PCSK5: variants seen among roughly 807,000 people sequenced by gnomAD.
The protein encoded by PCSK5 is prohormone convertase 5.
Under a neutral mutation model 233.2 loss-of-function variants are expected in PCSK5, and 129 were observed. The observed-to-expected ratio is 0.55, with a 90% CI of 0.48 to 0.64. The LOEUF is 0.64. PCSK5 is among the 30% of genes least tolerant of loss of function. PCSK5 has a pLI of 0.00. For synonymous variants in PCSK5, 825 were observed against 879.2 expected, an observed-to-expected ratio of 0.94 and a Z score of 1.09; for missense variants, 2,076 against 2,430.1, an observed-to-expected ratio of 0.85 and a Z score of 3.06.
intron 7 of PCSK5, among the ~76,000 whole-genome samples, chr9:76,081,376 C>T (rs897698668): frequency 6.6e-6 from 1 of 152,118 alleles, no homozygotes; most frequent in African/African-American, 2.4e-5. Flanking sequence ...ATCACTTGAA[C>T]CCGGGAGGCA....
In PCSK5 at chr9:76,362,565, G is replaced by C. The variant is rs1281672249; in HGVS notation, c.*3643G>C. 6.6e-6 allele frequency among the ~76,000 whole-genome samples: 1 copy of C among 152,134 alleles called. No homozygotes were observed. The highest frequency in any genetic ancestry group is 1.5e-5 in the Non-Finnish European group (1 of 68,040). On this transcript the variant is annotated 3_prime_UTR_variant, in exon 38 of 38. Coordinates refer to ENST00000674117, the MANE Select transcript of PCSK5 (RefSeq NM_001372043.1). ...TCAGCACTGCCTCAATCTAAGGGAG[G>C]AAACCACCCCTCATATTGTCTTATG...
At chr9:76,153,680 A>G (rs1224292879) in intron 10 of PCSK5, among the ~76,000 whole-genome samples, 1 of 152,256 alleles carries the variant, frequency 6.6e-6, no homozygotes, top group Non-Finnish European at 1.5e-5. Context: ...GTAAATTTCA[A>G]ACGTTAAGGG....
At chr9:76,214,032 A>G (rs1437813159) in intron 20 of PCSK5, among the ~76,000 whole-genome samples, 1 of 152,226 alleles carries the variant, frequency 6.6e-6, no homozygotes, top group Non-Finnish European at 1.5e-5. Context: ...CCCCAGAATA[A>G]GCAAGAGATG....
At chr9:76,311,095 G>T (rs1828852586) in intron 30 of PCSK5, among the ~76,000 whole-genome samples, 1 of 152,108 alleles carries the variant, frequency 6.6e-6, no homozygotes, top group Non-Finnish European at 1.5e-5. Flanking sequence ...ATGTTCAGGG[G>T]CTGGGCGTGG....
At chr9:75,949,040 T>A (rs1824719766) in intron 2 of PCSK5, among the ~76,000 whole-genome samples, 1 of 150,596 alleles carries the variant, frequency 6.6e-6, no homozygotes, top group Admixed American at 6.7e-5. Context: ...TACTAATGAA[T>A]ATATTTTAAG....
chr9:76,220,343 A>C (rs1385818817), intron 20 of PCSK5, among the ~76,000 whole-genome samples: 1 of 152,054 alleles, frequency 6.6e-6, no homozygotes, highest in East Asian at 1.9e-4. Context: ...CCTGGCCAAC[A>C]TGGTGAAACC....
chr9:76,204,367 T>A (rs1025549424), intron 20 of PCSK5, among the ~76,000 whole-genome samples: 1 of 152,190 alleles, frequency 6.6e-6, no homozygotes, highest in Non-Finnish European at 1.5e-5. Flanking sequence ...ACAGGATCCA[T>A]TAACATGTCC....
intron 33 of PCSK5, among the ~76,000 whole-genome samples, chr9:76,329,903 G>A (rs1829477829): frequency 6.6e-6 from 1 of 152,078 alleles, no homozygotes; most frequent in Admixed American, 6.6e-5. Context: ...AGTTGCCCGT[G>A]ATCAGTTGCA....
chr9:76,156,458 A>G (rs1822588876), intron 10 of PCSK5, among the ~76,000 whole-genome samples: 1 of 152,244 alleles, frequency 6.6e-6, no homozygotes, highest in Non-Finnish European at 1.5e-5. Context: ...CTTCTAAGGT[A>G]GTCAACCTAA....
chr9:76,100,798 C>A, intron 8 of PCSK5, among the ~76,000 whole-genome samples: 1 of 152,240 alleles, frequency 6.6e-6, no homozygotes, highest in South Asian at 2.1e-4. Context: ...ACAGTTGAAC[C>A]TCTTGCAAAA....
In PCSK5 at chr9:76,071,708, C is replaced by T; in HGVS notation, c.722-18C>T. 1 of 1,602,014 alleles carries T rather than the reference C, an allele frequency of 6.2e-7. No homozygotes were observed. The highest frequency in any genetic ancestry group is 8.5e-7 in the Non-Finnish European group (1 of 1,172,958). On this transcript the variant is annotated intron_variant, in intron 6 of 37. Transcript: ENST00000674117. The stretch of plus-strand genomic sequence containing the variant: ...AGGGAAGCCCTGTAATGAGCTAGTT[C>T]TCCTTTCTGTGTTGAAGGAGTGCGA...
chr9:75,983,921 A>C (rs1826385078), intron 2 of PCSK5, among the ~76,000 whole-genome samples: 1 of 152,138 alleles, frequency 6.6e-6, no homozygotes, highest in South Asian at 2.1e-4. Context: ...CTTTCCAAAA[A>C]ATACAGGGCT....
At chr9:76,301,573 T>C (rs1828602196) in intron 27 of PCSK5, among the ~76,000 whole-genome samples, 1 of 152,230 alleles carries the variant, frequency 6.6e-6, no homozygotes. Context: ...CTGGGCACGG[T>C]GGCTCATGCC....
At chr9:76,295,228 A>G in intron 25 of PCSK5, 47 bp from the exon 26 acceptor site, 1 of 1,540,998 alleles carries the variant, frequency 6.5e-7, no homozygotes, top group Non-Finnish European at 8.9e-7. Context: ...GGTGAAGAGA[A>G]ATACATCAAC....
At chr9:76,293,426 T>C (rs900395770) in intron 25 of PCSK5, among the ~76,000 whole-genome samples, 46 of 152,214 alleles carry the variant, frequency 3.0e-4, no homozygotes, top group African/African-American at 1.1e-3. Flanking sequence ...ACTGCACTCC[T>C]GACCCACTTT....
chr9:75,966,955 C>A (rs1389676723), intron 2 of PCSK5, among the ~76,000 whole-genome samples: 3 of 152,102 alleles, frequency 2.0e-5, no homozygotes, highest in Non-Finnish European at 4.4e-5. Flanking sequence ...CTCTATATGG[C>A]TTTTGGTCCT....
chr9:76,189,605 T>TA lies in PCSK5; in HGVS notation c.2511-20dup, dbSNP rs755577398. The stretch of plus-strand genomic sequence containing the variant: ...TTCCCCTGTGCATGTGTGAATGGAT[T>TA]AAAAAATTGTACATTTTTCTCATAG... On this transcript the variant is annotated intron_variant, in intron 19 of 37. Transcript: ENST00000674117. 20 of 1,430,494 alleles carry TA rather than the reference T, an allele frequency of 1.4e-5. No homozygotes were observed. The East Asian group carries it at 4.1e-4, about 29-fold the overall frequency. The allele number at this position is 1,430,494 out of a possible 1,614,324, so 88.6% of individuals were successfully genotyped here.
intron 8 of PCSK5, among the ~76,000 whole-genome samples, chr9:76,097,484 T>G (rs1343710065): frequency 6.6e-6 from 1 of 152,186 alleles, no homozygotes; most frequent in Non-Finnish European, 1.5e-5. Context: ...GCACAAAGTC[T>G]GCTGGATGAA....
At chr9:75,932,289 C>G (rs1345847555) in intron 1 of PCSK5, 90 bp from the exon 2 acceptor site, 3 of 794,698 alleles carry the variant, frequency 3.8e-6, no homozygotes, top group Admixed American at 2.4e-5. Context: ...GTTTTGTGTT[C>G]CTTTTTAAAT....
Sources: gnomAD v4.1 joint callset for allele counts (sites outside exome capture counted in the v4.1 genomes callset) on GRCh38, gnomAD v4.1.1 for gene constraint, MANE v1.5 for transcripts, NCBI Gene and HGNC (gene_info 2026-07-23, HGNC 2026-07-21) for gene names.